The following RIMS1 variants were observed in gnomAD, a reference collection of about 807,000 sequenced individuals.
RIMS1 encodes the protein regulating synaptic membrane exocytosis protein 1.
Under a neutral mutation model 214.1 loss-of-function variants are expected in RIMS1, and 83 were observed. The ratio of observed to expected loss-of-function variants is 0.39; its 90% CI spans 0.32 to 0.47. The LOEUF (loss-of-function observed/expected upper bound fraction) is 0.47, where lower values mean the gene tolerates loss of function less well. Among genes scored for constraint, RIMS1 ranks in the 20% least tolerant of loss-of-function variants. The probability of loss-of-function intolerance (pLI) is 0.99; values close to 1 mark genes in which losing one functional copy is unlikely to be tolerated. For synonymous variants in RIMS1, 793 were observed against 786.8 expected, an observed-to-expected ratio of 1.01 and a Z score of -0.13; for missense variants, 2,050 against 2,161.8, an observed-to-expected ratio of 0.95 and a Z score of 1.03.
At chr6:72,265,349 A>ATTTAT in intron 20 of RIMS1, 41 bp from the exon 21 acceptor site, 1 of 1,107,328 alleles carries the variant, frequency 9.0e-7, no homozygotes, top group Non-Finnish European at 1.3e-6. Flanking sequence ...TTTAATTATA[A>ATTTAT]TTTATTTTAT....
Position 72,182,648 on chromosome 6 carries a change from G to A in RIMS1, c.1177G>A (p.Val393Met). The change falls in exon 6 of 34, where the codon GTG becomes ATG. Residue 393 changes from valine to methionine, a missense_variant. Physicochemically the swap from Val to Met is conservative, Grantham distance 21. Transcript: ENST00000521978. ...CAGGCACGAGCGGCGCCACAGCGAC[G>A]TGGCGCTCCCGCGCACCGAGGCGGG... ...RARHERRHSDVALPRTEAGAA... is the reference protein window; with the variant it reads ...RARHERRHSDMALPRTEAGAA... 5 of 1,529,482 alleles carry A rather than the reference G, an allele frequency of 3.3e-6. No individual in the cohort carries two copies. The highest frequency in any genetic ancestry group is 5.1e-5 in the East Asian group (2 of 39,596). The allele number at this position is 1,529,482 out of a possible 1,614,324, so 94.7% of individuals were successfully genotyped here.
chr6:71,969,144 T>G, intron 2 of RIMS1, 81 bp downstream of exon 2: 1 of 1,312,524 alleles, frequency 7.6e-7, no homozygotes, highest in Non-Finnish European at 1.1e-6. Context: ...ACATTGCATG[T>G]GAGAGTAGAT....
chr6:72,365,416 A>C (rs1356381334), intron 29 of RIMS1, among the ~76,000 whole-genome samples: 1 of 152,200 alleles, frequency 6.6e-6, no homozygotes, highest in Admixed American at 6.5e-5. Context: ...CAGTAGGCTA[A>C]ACTTTTGAAT....
At position 72,083,508 on chromosome 6, in the gene RIMS1, C is replaced by T. The variant is rs529826192; in HGVS notation, c.246-13441C>T. Among the ~76,000 whole-genome samples the T allele has an allele frequency of 5.3e-5, 8 of 152,146 alleles. No homozygotes were observed. In the South Asian group the frequency reaches 1.0e-3, roughly 20 times the overall value. On this transcript the variant is annotated intron_variant, in intron 2 of 33. Transcript: ENST00000521978. Reference sequence around the variant, plus strand: ...CTCACAAGATGACCTATTTGCCCCTCGCTAGTGGTCTATTGATAGATCATC... The same window carrying T: ...CTCACAAGATGACCTATTTGCCCCTTGCTAGTGGTCTATTGATAGATCATC...
intron 24 of RIMS1, 97 bp from the exon 25 acceptor site, chr6:72,290,574 TTACTGTCA>T (rs1410000475): frequency 2.2e-6 from 2 of 902,946 alleles, no homozygotes; most frequent in Non-Finnish European, 3.3e-6. Flanking sequence ...TTCTTTGAAA[TTACTGTCA>T]TGTACGAGTA....
chr6:72,341,007 T>C (rs1334487658), intron 29 of RIMS1, among the ~76,000 whole-genome samples: 2 of 152,060 alleles, frequency 1.3e-5, no homozygotes, highest in Non-Finnish European at 2.9e-5. Flanking sequence ...ACATCCCTTG[T>C]AAGTTGGATT....
intron 22 of RIMS1, among the ~76,000 whole-genome samples, chr6:72,272,001 A>G (rs898021827): frequency 1.3e-5 from 2 of 152,166 alleles, no homozygotes; most frequent in Non-Finnish European, 2.9e-5. Context: ...ATGTTCCTCA[A>G]TTAATGAATT....
chr6:72,180,171 C>A (rs1036349509), intron 5 of RIMS1, among the ~76,000 whole-genome samples: 1 of 152,164 alleles, frequency 6.6e-6, no homozygotes, highest in African/African-American at 2.4e-5. Context: ...CTACCAACTT[C>A]CAATGATGAA....
Position 72,182,943 on chromosome 6 carries a change from A to C in RIMS1, c.1472A>C (p.Lys491Thr), listed in dbSNP as rs755964290. 1 of 1,590,358 alleles carries C rather than the reference A, an allele frequency of 6.3e-7. No homozygotes were observed. The highest frequency in any genetic ancestry group is 1.8e-5 in the Admixed American group (1 of 56,572). ...CTCATGCGGAAGGCCAAGCGCGAGAAGGTGGAGACCATGCTGCGGAACGAC... is the reference window on the plus strand; with the variant it reads ...CTCATGCGGAAGGCCAAGCGCGAGACGGTGGAGACCATGCTGCGGAACGAC... ...AVLMRKAKRE[K>T]VETMLRNDSL... The change falls in exon 6 of 34, where the codon AAG becomes ACG. Residue 491 changes from lysine to threonine, a missense_variant. Physicochemically the swap from Lys to Thr is moderately conservative, Grantham distance 78 (BLOSUM62 -1). Coordinates refer to ENST00000521978, the MANE Select transcript of RIMS1 (RefSeq NM_014989.7).
intron 2 of RIMS1, among the ~76,000 whole-genome samples, chr6:72,036,914 A>G (rs1218103578): frequency 6.6e-6 from 1 of 152,162 alleles, no homozygotes; most frequent in Admixed American, 6.6e-5. Context: ...TTGCTTTTAG[A>G]TCAATCAGTA....
intron 2 of RIMS1, among the ~76,000 whole-genome samples, chr6:72,025,495 TA>T (rs1816149733): frequency 6.6e-6 from 1 of 152,250 alleles, no homozygotes. Context: ...CTCTTAACTA[TA>T]ATGCGATATA....
chr6:71,903,245 T>C (rs1414483046), intron 1 of RIMS1, among the ~76,000 whole-genome samples: 1 of 152,164 alleles, frequency 6.6e-6, no homozygotes, highest in Non-Finnish European at 1.5e-5. Flanking sequence ...TGGTATCTCA[T>C]TGTGGTTTTG....
chr6:72,078,174 T>C (rs1832389580), intron 2 of RIMS1, among the ~76,000 whole-genome samples: 1 of 152,192 alleles, frequency 6.6e-6, no homozygotes, highest in African/African-American at 2.4e-5. Flanking sequence ...GTTTGGATTA[T>C]GTGGTTATAG....
intron 28 of RIMS1, among the ~76,000 whole-genome samples, chr6:72,331,553 A>G (rs1564144452): frequency 6.6e-6 from 1 of 151,862 alleles, no homozygotes; most frequent in Non-Finnish European, 1.5e-5. Flanking sequence ...AGAAAAGCAG[A>G]TAGAGTAGCC....
intron 6 of RIMS1, among the ~76,000 whole-genome samples, chr6:72,206,456 G>GT (rs2052931307): frequency 6.6e-6 from 1 of 152,088 alleles, no homozygotes; most frequent in African/African-American, 2.4e-5. Flanking sequence ...AGATATCAGT[G>GT]TTATTATTAT....
intron 2 of RIMS1, among the ~76,000 whole-genome samples, chr6:72,029,439 A>G (rs1327793874): frequency 6.6e-6 from 1 of 152,140 alleles, no homozygotes; most frequent in Non-Finnish European, 1.5e-5. Context: ...AATTAGGGCC[A>G]TTACAAACGA....
At chr6:71,992,398 CTCTCTCTCTTTCTTTCTTTCTT>C (rs1259526147) in intron 2 of RIMS1, among the ~76,000 whole-genome samples, 9 of 128,882 alleles carry the variant, frequency 7.0e-5, no homozygotes, top group East Asian at 2.4e-4. Context: ...CTTTCTTTCT[CTCTCTCTCTTTCTTTCTTTCTT>C]TCTTTCTTTC....
At chr6:71,904,213 A>G (rs1478935818) in intron 1 of RIMS1, among the ~76,000 whole-genome samples, 1 of 152,140 alleles carries the variant, frequency 6.6e-6, no homozygotes, top group African/African-American at 2.4e-5. Context: ...GTTGCAGAGT[A>G]ATTTGGATTT....
At chr6:72,214,137 A>G (rs2054663399) in intron 6 of RIMS1, among the ~76,000 whole-genome samples, 1 of 152,204 alleles carries the variant, frequency 6.6e-6, no homozygotes, top group African/African-American at 2.4e-5. Flanking sequence ...ATATTTTAGA[A>G]TAAGGTCAAC....
Sources: allele counts gnomAD v4.1 joint callset (sites outside exome capture counted in the v4.1 genomes callset), GRCh38; gene constraint gnomAD v4.1.1; transcripts MANE v1.5; gene names NCBI Gene and HGNC (gene_info 2026-07-23, HGNC 2026-07-21).